Variants in AMBP observed in about 807,000 individuals in gnomAD.
The protein encoded by AMBP is protein AMBP.
Under a neutral mutation model 46.3 loss-of-function variants are expected in AMBP, and 37 were observed. That is an observed-to-expected ratio of 0.80 (90% CI 0.61 to 1.05). The LOEUF (loss-of-function observed/expected upper bound fraction) is 1.05. Among genes scored for constraint, AMBP ranks in the 50% least tolerant of loss-of-function variants. The pLI is 0.00. For missense variants in AMBP, 475 were observed against 461.2 expected, an observed-to-expected ratio of 1.03 and a Z score of -0.27; for synonymous variants, 174 against 175.9, an observed-to-expected ratio of 0.99 and a Z score of 0.09.
At chr9:114,072,838 A>G in intron 5 of AMBP, 87 bp downstream of exon 5, 1 of 1,203,308 alleles carries the variant, frequency 8.3e-7, no homozygotes, top group Admixed American at 2.0e-5. Flanking sequence ...AGAGGGTTAT[A>G]GTAAGGACCC....
intron 4 of AMBP, among the ~76,000 whole-genome samples, 170 bp from the exon 5 acceptor site, chr9:114,073,196 G>T (rs539352357): frequency 6.6e-6 from 1 of 152,006 alleles, no homozygotes; most frequent in Admixed American, 6.5e-5. Context: ...AGGAAGAGGG[G>T]TCTCTCCCAG....
chr9:114,060,782 G>A (rs1846626933), intron 9 of AMBP, 143 bp downstream of exon 9: 15 of 1,002,180 alleles, frequency 1.5e-5, no homozygotes, highest in Non-Finnish European at 1.9e-5. Flanking sequence ...CCCAGGCTCA[G>A]CCCCATTTCA....
intron 7 of AMBP, among the ~76,000 whole-genome samples, 176 bp downstream of exon 7, chr9:114,062,501 C>T (rs920440958): frequency 6.6e-6 from 1 of 152,234 alleles, no homozygotes. Flanking sequence ...GCTCTTCTCT[C>T]TGCCCCCACA....
chr9:114,073,587 T>C (rs1013389522), intron 4 of AMBP, among the ~76,000 whole-genome samples: 5 of 149,720 alleles, frequency 3.3e-5, no homozygotes, highest in Non-Finnish European at 5.9e-5. Context: ...AGCCTCATAC[T>C]CCTGGGCTCA....
chr9:114,070,583 G>A (rs981391558), intron 5 of AMBP, among the ~76,000 whole-genome samples: 2 of 152,184 alleles, frequency 1.3e-5, no homozygotes, highest in Non-Finnish European at 2.9e-5. Flanking sequence ...TGGGCAGAGA[G>A]GGCCCCTGAG....
chr9:114,067,770 G>C (rs530499429), intron 6 of AMBP, among the ~76,000 whole-genome samples: 2 of 151,924 alleles, frequency 1.3e-5, no homozygotes, highest in East Asian at 3.9e-4. Context: ...AGGAACACGC[G>C]ACCCAAGACT....
chr9:114,076,291 C>T, intron 2 of AMBP, among the ~76,000 whole-genome samples: 1 of 151,606 alleles, frequency 6.6e-6, no homozygotes, highest in South Asian at 2.1e-4. Flanking sequence ...TGATGGGTGA[C>T]AGGGGAGAGA....
At chr9:114,074,472 A>G (rs947614191) in intron 3 of AMBP, among the ~76,000 whole-genome samples, 14 of 152,072 alleles carry the variant, frequency 9.2e-5, no homozygotes, top group African/African-American at 3.4e-4. Flanking sequence ...TGACTCATTT[A>G]TCCTTACATA....
Position 114,062,767 on chromosome 9 carries a change from G to T in AMBP, c.604-9C>A. ...ACAGCCCTCCGGACTCTCTGCGGGG[G>T]AGAGAAAGAGAAGAAGCAGTTGCAG... On this transcript the variant is annotated splice_polypyrimidine_tract_variant and intron_variant, in intron 6 of 9. Transcript: ENST00000265132. The T allele has an allele frequency of 6.2e-7, 1 of 1,613,650 alleles. No homozygotes were observed. Among genetic ancestry groups the T allele is most frequent in the Non-Finnish European group, 8.5e-7 (1 of 1,179,604 alleles).
intron 7 of AMBP, 70 bp downstream of exon 7, chr9:114,062,607 G>C (rs936277138): frequency 6.7e-7 from 1 of 1,495,412 alleles, no homozygotes; most frequent in Admixed American, 1.7e-5. Context: ...AGAGTAGCCA[G>C]GGTGAGCCAA....
At chr9:114,069,795 G>A (rs765841382) in intron 5 of AMBP, 50 bp from the exon 6 acceptor site, 21 of 1,591,106 alleles carry the variant, frequency 1.3e-5, no homozygotes, top group Non-Finnish European at 1.8e-5. Context: ...CAGGCCCAGG[G>A]GCCATCCTAG....
chr9:114,073,056 G>A, intron 4 of AMBP, 30 bp from the exon 5 acceptor site: 1 of 1,593,218 alleles, frequency 6.3e-7, no homozygotes, highest in Non-Finnish European at 8.6e-7. Context: ...GAGACGCCTA[G>A]AACCACCAGG....
chr9:114,070,299 C>T (rs1846730993), intron 5 of AMBP, among the ~76,000 whole-genome samples: 1 of 152,200 alleles, frequency 6.6e-6, no homozygotes, highest in Non-Finnish European at 1.5e-5. Flanking sequence ...AGTGGTGGAG[C>T]TGGGACCCCT....
intron 1 of AMBP, among the ~76,000 whole-genome samples, 199 bp downstream of exon 1, chr9:114,077,894 A>C (rs1846830825): frequency 6.6e-6 from 1 of 152,152 alleles, no homozygotes; most frequent in Non-Finnish European, 1.5e-5. Context: ...GAAGGTGAGG[A>C]TGTTTGACTC....
At chr9:114,064,785 A>G (rs979034829) in intron 6 of AMBP, among the ~76,000 whole-genome samples, 2 of 152,242 alleles carry the variant, frequency 1.3e-5, no homozygotes. Context: ...AAAAAACACA[A>G]GACATTTTGG....
chr9:114,066,768 A>T (rs1425391892), intron 6 of AMBP, among the ~76,000 whole-genome samples: 1 of 152,172 alleles, frequency 6.6e-6, no homozygotes, highest in Non-Finnish European at 1.5e-5. Flanking sequence ...AAACTAATAG[A>T]TGTGGAAGGC....
chr9:114,069,641 G>A (rs1846723725), intron 6 of AMBP, 58 bp downstream of exon 6: 3 of 1,513,968 alleles, frequency 2.0e-6, no homozygotes, highest in African/African-American at 1.4e-5. Flanking sequence ...TGTGCAGCGT[G>A]CCTGGGGCAG....
Position 114,074,997 on chromosome 9 carries a change from T to A in AMBP, c.300A>T (p.Lys100Asn). 1 of 1,614,122 alleles carries A rather than the reference T, an allele frequency of 6.2e-7. No individual in the cohort carries two copies. Among genetic ancestry groups the A allele is most frequent in the African/African-American group, 1.3e-5 (1 of 75,012 alleles). ...AGAGAAACTTCCCATCAGTATCTGT[T>A]TTCTCATAAGCTCCAGACGTCTCCT... ...VCEETSGAYE[K>N]TDTDGKFLYH... Residue 100 changes from lysine (K) to asparagine (N), a missense_variant, in exon 3 of 10, where the codon AAA becomes AAT. Coordinates refer to ENST00000265132, the MANE Select transcript of AMBP (RefSeq NM_001633.4).
At chr9:114,066,048 G>A (rs886928246) in intron 6 of AMBP, among the ~76,000 whole-genome samples, 1 of 152,150 alleles carries the variant, frequency 6.6e-6, no homozygotes, top group Non-Finnish European at 1.5e-5. Context: ...GGGGACTGTG[G>A]CAGCTAAAGG....
Sources: gnomAD v4.1 joint callset for allele counts (sites outside exome capture counted in the v4.1 genomes callset) on GRCh38, gnomAD v4.1.1 for gene constraint, MANE v1.5 for transcripts, NCBI Gene and HGNC (gene_info 2026-07-23, HGNC 2026-07-21) for gene names.